Variants in DESI2 observed in about 807,000 individuals in gnomAD.
The protein encoded by DESI2 is deubiquitinase DESI2.
In DESI2, 10 loss-of-function variants were observed where a neutral mutation model predicts 24.1. That is an observed-to-expected ratio of 0.41 (90% CI 0.26 to 0.70). The LOEUF (loss-of-function observed/expected upper bound fraction) is 0.70, where lower values mean the gene tolerates loss of function less well. Among genes scored for constraint, DESI2 ranks in the 30% least tolerant of loss-of-function variants. The pLI is 0.29. For synonymous variants in DESI2, 71 were observed against 87.7 expected (o/e 0.81, Z 1.06); for missense variants, 122 against 234.9 (o/e 0.52, Z 3.14).
intron 1 of DESI2, among the ~76,000 whole-genome samples, chr1:244,660,837 G>A (rs1045869575): frequency 2.6e-5 from 4 of 151,952 alleles, no homozygotes; most frequent in African/African-American, 4.8e-5. Context: ...TTACCCATAC[G>A]GAATTGTTGA....
At chr1:244,660,089 A>G (rs1675786425) in intron 1 of DESI2, among the ~76,000 whole-genome samples, 1 of 152,212 alleles carries the variant, frequency 6.6e-6, no homozygotes, top group Non-Finnish European at 1.5e-5. Context: ...AAACTTGTAA[A>G]TCAGATACTT....
intron 3 of DESI2, among the ~76,000 whole-genome samples, chr1:244,690,706 A>T (rs1344821171): frequency 6.8e-6 from 1 of 147,910 alleles, no homozygotes; most frequent in East Asian, 2.0e-4. Context: ...TCTCCGTCTC[A>T]CCAAAAAAAA....
At position 244,706,408 on chromosome 1, in the gene DESI2, C is replaced by G. The variant is rs1677709345; in HGVS notation, c.*619C>G. The G allele has an allele frequency of 6.5e-6, 1 of 153,028 alleles. No individual in the cohort carries two copies. The highest frequency in any genetic ancestry group is 1.5e-5 in the Non-Finnish European group (1 of 68,364). 9.5% of individuals were successfully genotyped at this position (153,028 alleles called of 1,614,324 possible). A position where few individuals can be genotyped will look rare whatever the true frequency, so the allele number is the denominator to read the frequency against. On this transcript the variant is annotated 3_prime_UTR_variant, in exon 5 of 5. Transcript: ENST00000302550. ...CCCTTCCACTCTGAGTAGCACATCT[C>G]CCCAGGTGCCCATGGAACACCTGCT... is the stretch of plus-strand genomic sequence containing the variant.
Position 244,689,369 on chromosome 1 carries a change from C to A in DESI2, c.209+27C>A. 9.0e-7 allele frequency: 1 copy of A among 1,108,202 alleles called. No homozygotes were observed. Among genetic ancestry groups the A allele is most frequent in the Non-Finnish European group, 1.4e-6 (1 of 719,652 alleles). 68.6% of individuals were successfully genotyped at this position (1,108,202 alleles called of 1,614,324 possible). ...TAAGTAGGGAGGATAATTTTTATTA[C>A]ACTGTCTTAGGTGCCATAGCTTGTT... On this transcript the variant is annotated intron_variant, in intron 3 of 4. Coordinates refer to ENST00000302550, the MANE Select transcript of DESI2 (RefSeq NM_016076.5). This position sits in a 1 kb window ranked among gnomAD's most constrained non-coding sequence, Gnocchi z 4.0.
intron 4 of DESI2, among the ~76,000 whole-genome samples, chr1:244,700,460 T>C (rs1394987664): frequency 6.6e-6 from 1 of 152,158 alleles, no homozygotes; most frequent in African/African-American, 2.4e-5. Context: ...CCTAGTAATC[T>C]TCTACAGCGT....
Position 244,705,553 on chromosome 1 carries a change from T to C in DESI2, c.352-3T>C. The C allele has an allele frequency of 1.2e-6, 2 of 1,612,838 alleles. No homozygotes were observed. The highest frequency in any genetic ancestry group is 2.2e-5 in the East Asian group (1 of 44,892). ...CTAATACAGAACTCTTTCTCTTCTGTAGATTCTTTGTGGGAAAGAGATTCC... is the reference window on the plus strand; with the variant it reads ...CTAATACAGAACTCTTTCTCTTCTGCAGATTCTTTGTGGGAAAGAGATTCC... On this transcript the variant is annotated splice_region_variant and splice_polypyrimidine_tract_variant and intron_variant, in intron 4 of 4. Transcript: ENST00000302550.
At chr1:244,656,681 A>G (rs999774921) in intron 1 of DESI2, among the ~76,000 whole-genome samples, 2 of 152,234 alleles carry the variant, frequency 1.3e-5, no homozygotes, top group African/African-American at 4.8e-5. Context: ...TGTGCTTTTC[A>G]GGTTATCTTG....
intron 1 of DESI2, among the ~76,000 whole-genome samples, chr1:244,685,068 A>T (rs1416437533): frequency 6.6e-6 from 1 of 152,186 alleles, no homozygotes; most frequent in African/African-American, 2.4e-5. Context: ...TCTCATATGA[A>T]TCTTTGTTAT....
At chr1:244,679,276 G>A (rs1052851329) in intron 1 of DESI2, among the ~76,000 whole-genome samples, 1 of 152,184 alleles carries the variant, frequency 6.6e-6, no homozygotes, top group African/African-American at 2.4e-5. Flanking sequence ...TGTGAAAAGG[G>A]GGAGAAAGTA....
intron 1 of DESI2, among the ~76,000 whole-genome samples, chr1:244,669,405 G>C (rs1178060202): frequency 6.6e-6 from 1 of 152,054 alleles, no homozygotes; most frequent in East Asian, 1.9e-4. Flanking sequence ...CTGGCCAGTT[G>C]CTCTGGCTCA....
intron 1 of DESI2, among the ~76,000 whole-genome samples, chr1:244,657,033 A>G (rs988066608): frequency 1.3e-5 from 2 of 152,230 alleles, no homozygotes; most frequent in African/African-American, 4.8e-5. Context: ...TCAGCGTCCC[A>G]AAGTTCTGGG....
In DESI2 at chr1:244,706,298, G is replaced by A. The variant is rs1036805980; in HGVS notation, c.*509G>A. On this transcript the variant is annotated 3_prime_UTR_variant, in exon 5 of 5. Transcript: ENST00000302550. ...TGTTTTGTTAAAGTTGTTGGCACCAGGATGCAGAGAATCAGACTGGCCTGA... is the reference window on the plus strand; with the variant it reads ...TGTTTTGTTAAAGTTGTTGGCACCAAGATGCAGAGAATCAGACTGGCCTGA... 2.4e-5 allele frequency: 4 copies of A among 164,944 alleles called. No homozygotes were observed. The highest frequency in any genetic ancestry group is 9.6e-5 in the African/African-American group (4 of 41,500). The allele number at this position is 164,944 out of a possible 1,614,324, so 10.2% of individuals were successfully genotyped here. A position where few individuals can be genotyped will look rare whatever the true frequency, so the allele number is the denominator to read the frequency against.
intron 1 of DESI2, among the ~76,000 whole-genome samples, chr1:244,654,628 G>A (rs1427174878): frequency 6.6e-6 from 1 of 152,158 alleles, no homozygotes; most frequent in East Asian, 1.9e-4. Flanking sequence ...AAAAGTTGAA[G>A]AGGAGAATAA....
intron 1 of DESI2, chr1:244,653,869 A>C (rs1327983106): frequency 4.3e-6 from 2 of 465,316 alleles, no homozygotes; most frequent in Middle Eastern, 3.3e-4. Flanking sequence ...GAATCTCTTC[A>C]AAGGTGAACA....
At chr1:244,701,378 C>G (rs552817232) in intron 4 of DESI2, among the ~76,000 whole-genome samples, 1 of 152,044 alleles carries the variant, frequency 6.6e-6, no homozygotes, top group Non-Finnish European at 1.5e-5. Flanking sequence ...CCATGACATA[C>G]GCAAGAGATC....
chr1:244,701,777 A>ATTCTGTAACAGTATATAGAAAT (rs1677475478), intron 4 of DESI2, among the ~76,000 whole-genome samples: 1 of 152,200 alleles, frequency 6.6e-6, no homozygotes, highest in African/African-American at 2.4e-5. Flanking sequence ...CCTGGAGTAC[A>ATTCTGTAACAGTATATAGAAAT]TTCTGTAACA....
chr1:244,691,473 T>C (rs1449880348), intron 3 of DESI2, among the ~76,000 whole-genome samples: 6 of 152,264 alleles, frequency 3.9e-5, no homozygotes, highest in South Asian at 4.1e-4. Context: ...AAAAGTTTGT[T>C]TCTAGGTGAC....
chr1:244,686,649 G>A lies in DESI2; in HGVS notation c.95G>A (p.Gly32Glu). The A allele has an allele frequency of 6.2e-7, 1 of 1,607,342 alleles. No individual in the cohort carries two copies. The highest frequency in any genetic ancestry group is 1.3e-5 in the African/African-American group (1 of 74,908). ...SSIGIGVFHS[G>E]IEVYGREFAY... is the part of the protein sequence containing the mutation. ...ATTGGAATTGGAGTTTTTCATTCAG[G>A]AATTGAAGTCTATGGCAGAGGTACG... The change falls in exon 2 of 5, where the codon GGA becomes GAA. Residue 32 changes from glycine (G) to glutamate (E), a missense_variant. Around this residue, in one of 6 missense-constraint regions of DESI2, gnomAD observed 16 missense variants for 65.7 expected, o/e 0.24. Transcript: ENST00000302550.
Position 244,689,161 on chromosome 1 carries a change from CTGTT to C in DESI2, c.116-87_116-84del. ...ACTGAAAAATATTTAGATGGTGTCACTGTTATCCTCAATTATTAAAGCTAATTCA... is the reference window on the plus strand; with the variant it reads ...ACTGAAAAATATTTAGATGGTGTCACATCCTCAATTATTAAAGCTAATTCA... On this transcript the variant is annotated intron_variant, in intron 2 of 4. Coordinates refer to ENST00000302550, the MANE Select transcript of DESI2 (RefSeq NM_016076.5). The surrounding 1 kb of genome is among the most constrained non-coding windows in gnomAD (Gnocchi z 4.0). The C allele has an allele frequency of 1.4e-6, 1 of 726,806 alleles. No individual in the cohort carries two copies. Among genetic ancestry groups the C allele is most frequent in the South Asian group, 1.7e-5 (1 of 60,386 alleles). The allele number at this position is 726,806 out of a possible 1,614,324, so 45.0% of individuals were successfully genotyped here.
Sources: allele counts gnomAD v4.1 joint callset (sites outside exome capture counted in the v4.1 genomes callset), GRCh38; gene constraint gnomAD v4.1.1; regional missense constraint gnomAD v4.1.1; non-coding constraint Gnocchi (gnomAD v3.1); transcripts MANE v1.5; gene names NCBI Gene and HGNC (gene_info 2026-07-23, HGNC 2026-07-21).